Variants in ADAM10 observed in about 807,000 individuals in gnomAD.
ADAM10 encodes disintegrin and metalloproteinase domain-containing protein 10.
In ADAM10, 17 loss-of-function variants were observed where a neutral mutation model predicts 90.1. That is an observed-to-expected ratio of 0.19 (90% CI 0.13 to 0.28). The LOEUF is 0.28. ADAM10 is among the 10% of genes least tolerant of loss of function. The probability of loss-of-function intolerance (pLI) is 1.00; values close to 1 mark genes in which losing one functional copy is unlikely to be tolerated. For missense variants in ADAM10, 610 were observed against 914.3 expected, an observed-to-expected ratio of 0.67 and a Z score of 4.29; for synonymous variants, 310 against 298.6, an observed-to-expected ratio of 1.04 and a Z score of -0.40.
In ADAM10 at chr15:58,639,862, C is replaced by A. The variant is rs1434370498; in HGVS notation, c.1012+915G>T. On this transcript the variant is annotated intron_variant, in intron 8 of 15. Coordinates refer to ENST00000260408, the MANE Select transcript of ADAM10 (RefSeq NM_001110.4). ...ACTAATAAGAATAGGAATACAAAAGCTTCTCTTACTCTGGATAAAGCAGAA... is the reference window on the plus strand; with the variant it reads ...ACTAATAAGAATAGGAATACAAAAGATTCTCTTACTCTGGATAAAGCAGAA... Among the ~76,000 whole-genome samples, 3 of 151,388 alleles carry A rather than the reference C, an allele frequency of 2.0e-5. No homozygotes were observed. The East Asian group carries it at 5.8e-4, about 29-fold the overall frequency.
chr15:58,654,629 T>C (rs1030695784), intron 5 of ADAM10, among the ~76,000 whole-genome samples: 1 of 152,206 alleles, frequency 6.6e-6, no homozygotes, highest in African/African-American at 2.4e-5. Context: ...TCATTCCACA[T>C]CAGCTTCCTA....
In ADAM10 at chr15:58,599,834, A is replaced by G. The variant is rs1403839686; in HGVS notation, c.2026-110T>C. 3 of 1,135,840 alleles carry G rather than the reference A, an allele frequency of 2.6e-6. No individual in the cohort carries two copies. The African/African-American group carries it at 4.7e-5, about 18-fold the overall frequency. The allele number at this position is 1,135,840 out of a possible 1,614,324, so 70.4% of individuals were successfully genotyped here. On this transcript the variant is annotated intron_variant, in intron 14 of 15. Coordinates refer to ENST00000260408, the MANE Select transcript of ADAM10 (RefSeq NM_001110.4). ...TAGAACACAGTATATTGTAATTTTT[A>G]AAGAACATTTGTTTAGGAGTTGTAT...
intron 13 of ADAM10, 112 bp downstream of exon 13, chr15:58,610,887 T>A: frequency 2.4e-6 from 2 of 820,922 alleles, no homozygotes; most frequent in Admixed American, 3.8e-5. Flanking sequence ...AGAGGACAGA[T>A]TTAGCTGGAA....
In ADAM10 at chr15:58,611,784, T is replaced by A. The variant is rs753723096; in HGVS notation, c.1695+24A>T. 10 of 1,608,514 alleles carry A rather than the reference T, an allele frequency of 6.2e-6. No homozygotes were observed. In the African/African-American group the frequency reaches 1.2e-4, roughly 19 times the overall value. ...AAACAAGTTTTCTAAAATTAAATTT[T>A]AAAACATATAGTTAAATGCTTACCC... On this transcript the variant is annotated intron_variant, in intron 12 of 15. Coordinates refer to ENST00000260408, the MANE Select transcript of ADAM10 (RefSeq NM_001110.4).
At chr15:58,626,594 G>A (rs1486194772) in intron 10 of ADAM10, among the ~76,000 whole-genome samples, 1 of 152,092 alleles carries the variant, frequency 6.6e-6, no homozygotes, top group Non-Finnish European at 1.5e-5. Context: ...ACAAAATCTG[G>A]TCTATACATA....
chr15:58,663,032 T>C (rs1041416262), intron 5 of ADAM10, among the ~76,000 whole-genome samples: 23 of 152,244 alleles, frequency 1.5e-4, no homozygotes, highest in Admixed American at 1.4e-3. Flanking sequence ...GCAATGCTTG[T>C]TTTCTAATGT....
In ADAM10 at chr15:58,595,945, A is replaced by G. The variant is rs1175198015; in HGVS notation, c.*1602T>C. The G allele has an allele frequency of 1.3e-5, 2 of 152,144 alleles. No homozygotes were observed. The highest frequency in any genetic ancestry group is 2.9e-5 in the Non-Finnish European group (2 of 67,994). 9.4% of individuals were successfully genotyped at this position (152,144 alleles called of 1,614,324 possible). ...CATGTACAAAATTTGTCTCTAAATC[A>G]TGTACAAAAAGCTGTATTTTGAAAA... On this transcript the variant is annotated 3_prime_UTR_variant, in exon 16 of 16. Coordinates refer to ENST00000260408, the MANE Select transcript of ADAM10 (RefSeq NM_001110.4).
At chr15:58,602,146 T>C (rs1895128908) in intron 14 of ADAM10, among the ~76,000 whole-genome samples, 1 of 152,218 alleles carries the variant, frequency 6.6e-6, no homozygotes, top group Non-Finnish European at 1.5e-5. Context: ...TTTCCTATTT[T>C]TTATAAATAT....
At chr15:58,598,859 G>C (rs1432618714) in intron 15 of ADAM10, among the ~76,000 whole-genome samples, 1 of 152,194 alleles carries the variant, frequency 6.6e-6, no homozygotes. Flanking sequence ...GTGGAGACCA[G>C]AACTAAAGAG....
chr15:58,598,899 G>A (rs1011762266), intron 15 of ADAM10, among the ~76,000 whole-genome samples: 7 of 152,184 alleles, frequency 4.6e-5, no homozygotes, highest in Non-Finnish European at 5.9e-5. Context: ...ATACTTGACT[G>A]TGCTTATTTG....
At chr15:58,683,330 A>G (rs1390584605) in intron 2 of ADAM10, among the ~76,000 whole-genome samples, 1 of 152,130 alleles carries the variant, frequency 6.6e-6, no homozygotes, top group African/African-American at 2.4e-5. Context: ...TTGTTTTTTA[A>G]ATTACTTAAT....
intron 3 of ADAM10, among the ~76,000 whole-genome samples, chr15:58,681,642 T>C (rs1175515708): frequency 1.3e-5 from 2 of 152,228 alleles, no homozygotes; most frequent in Non-Finnish European, 2.9e-5. Context: ...TCAACACTAC[T>C]AGTAGATGTA....
Position 58,620,959 on chromosome 15 carries a change from C to T in ADAM10, c.1511+512G>A, listed in dbSNP as rs1895764382. Among the ~76,000 whole-genome samples, 3 of 41,288 alleles carry T rather than the reference C, an allele frequency of 7.3e-5. 1 individual carries two copies. The highest frequency in any genetic ancestry group is 0.038 in the East Asian group (1 of 26). 27.1% of individuals were successfully genotyped at this position (41,288 alleles called of 152,430 possible). On this transcript the variant is annotated intron_variant, in intron 11 of 15. Coordinates refer to ENST00000260408, the MANE Select transcript of ADAM10 (RefSeq NM_001110.4). ...CTGGGATTACAGGCGTGAGCCACCGCGCCCGGCCAAGAATATGTATTTTTT... is the reference window on the plus strand; with the variant it reads ...CTGGGATTACAGGCGTGAGCCACCGTGCCCGGCCAAGAATATGTATTTTTT...
rs1318277647 is a variant in ADAM10 at position 58,594,580 on chromosome 15, A to G, written c.*2967T>C. On this transcript the variant is annotated 3_prime_UTR_variant, in exon 16 of 16. Coordinates refer to ENST00000260408, the MANE Select transcript of ADAM10 (RefSeq NM_001110.4). Reference sequence around the variant, plus strand: ...TAAATGCTTCCCCAAACTGCATGACATTGCTTGACACTACAGGGAATGCTA... The same window carrying G: ...TAAATGCTTCCCCAAACTGCATGACGTTGCTTGACACTACAGGGAATGCTA... The G allele has an allele frequency of 6.6e-6, 1 of 152,200 alleles. No individual in the cohort carries two copies. Among genetic ancestry groups the G allele is most frequent in the Non-Finnish European group, 1.5e-5 (1 of 68,040 alleles). 9.4% of individuals were successfully genotyped at this position (152,200 alleles called of 1,614,324 possible).
rs1259526867 is a variant in ADAM10 at position 58,589,590 on chromosome 15, G to A, written c.*7957C>T. 2 of 152,226 alleles carry A rather than the reference G, an allele frequency of 1.3e-5. No homozygotes were observed. The highest frequency in any genetic ancestry group is 2.4e-5 in the African/African-American group (1 of 41,448). The allele number at this position is 152,226 out of a possible 1,614,324, so 9.4% of individuals were successfully genotyped here. Reference sequence around the variant, plus strand: ...AGGCACAGACTGCAGTCCTTTGGGGGCTGTGAAAAATTGCAGCAGGTTGAT... The same window carrying A: ...AGGCACAGACTGCAGTCCTTTGGGGACTGTGAAAAATTGCAGCAGGTTGAT... On this transcript the variant is annotated 3_prime_UTR_variant, in exon 16 of 16. Transcript: ENST00000260408.
intron 2 of ADAM10, among the ~76,000 whole-genome samples, chr15:58,682,697 A>G (rs1490227842): frequency 6.6e-6 from 1 of 152,138 alleles, no homozygotes; most frequent in Non-Finnish European, 1.5e-5. Flanking sequence ...CTATTTTGCT[A>G]TTCTCCCTTA....
Position 58,592,283 on chromosome 15 carries a change from C to T in ADAM10, c.*5264G>A, listed in dbSNP as rs1894841071. 1 of 152,252 alleles carries T rather than the reference C, an allele frequency of 6.6e-6. No individual in the cohort carries two copies. The highest frequency in any genetic ancestry group is 2.1e-4 in the South Asian group (1 of 4,818). The allele number at this position is 152,252 out of a possible 1,614,324, so 9.4% of individuals were successfully genotyped here. A position where few individuals can be genotyped will look rare whatever the true frequency, so the allele number is the denominator to read the frequency against. On this transcript the variant is annotated 3_prime_UTR_variant, in exon 16 of 16. Coordinates refer to ENST00000260408, the MANE Select transcript of ADAM10 (RefSeq NM_001110.4). The stretch of plus-strand genomic sequence containing the variant: ...TGTTGGGGGGGTAAAATGGTGATAT[C>T]CTAATTCTATCATTTCTCTTATTAC...
chr15:58,717,583 T>C lies in ADAM10; in HGVS notation c.200A>G (p.His67Arg), dbSNP rs1898704424. Reference sequence around the variant, plus strand: ...CAGCAATAAATTTACTTACCTTCCATGGGCATGGAAATCTAGACGTAAAAA... The same window carrying C: ...CAGCAATAAATTTACTTACCTTCCACGGGCATGGAAATCTAGACGTAAAAA... ...DQFLRLDFHAHGRHFNLRMKR... is the reference protein window; with the variant it reads ...DQFLRLDFHARGRHFNLRMKR... The change falls in exon 2 of 16, where the codon CAT becomes CGT. Residue 67 changes from histidine (H) to arginine (R), a missense_variant. His to Arg is a conservative substitution (Grantham distance 29). This residue lies in a region of ADAM10 where 310 missense variants were observed against 362.4 expected (regional missense o/e 0.86). Coordinates refer to ENST00000260408, the MANE Select transcript of ADAM10 (RefSeq NM_001110.4). 4.3e-6 allele frequency: 7 copies of C among 1,613,784 alleles called. No homozygotes were observed. Among genetic ancestry groups the C allele is most frequent in the African/African-American group, 1.3e-5 (1 of 74,926 alleles).
chr15:58,695,736 T>G (rs1009639991), intron 2 of ADAM10, among the ~76,000 whole-genome samples: 1 of 151,846 alleles, frequency 6.6e-6, no homozygotes, highest in Non-Finnish European at 1.5e-5. Context: ...AATCCCAACA[T>G]TTTGGGAGGC....
Sources: allele counts gnomAD v4.1 joint callset (sites outside exome capture counted in the v4.1 genomes callset), GRCh38; gene constraint gnomAD v4.1.1; regional missense constraint gnomAD v4.1.1; transcripts MANE v1.5; gene names NCBI Gene and HGNC (gene_info 2026-07-23, HGNC 2026-07-21).